The following NOA1 variants were observed in gnomAD, a reference collection of about 807,000 sequenced individuals.
The protein encoded by NOA1 is nitric oxide associated 1, also known as nitric oxide-associated protein 1.
In NOA1, 35 loss-of-function variants were observed where a neutral mutation model predicts 58.4. The ratio of observed to expected loss-of-function variants is 0.60; its 90% CI spans 0.46 to 0.79. The LOEUF (loss-of-function observed/expected upper bound fraction) is 0.79, where lower values mean the gene tolerates loss of function less well. NOA1 is among the 30% of genes least tolerant of loss of function. NOA1 has a pLI of 0.00. For synonymous variants in NOA1, 397 were observed against 373.4 expected (o/e 1.06, Z -0.73); for missense variants, 895 against 894.6 (o/e 1.00, Z -0.01).
intron 3 of NOA1, 45 bp from the exon 4 acceptor site, chr4:56,968,560 AATATG>A (rs769207871): frequency 7.1e-5 from 100 of 1,417,992 alleles, no homozygotes; most frequent in East Asian, 2.1e-4. Flanking sequence ...TTTTATTGAA[AATATG>A]ATATATTATG....
At chr4:56,966,458 AT>A (rs1282841145) in intron 5 of NOA1, among the ~76,000 whole-genome samples, 161 bp downstream of exon 5, 4 of 152,232 alleles carry the variant, frequency 2.6e-5, no homozygotes. Flanking sequence ...ATATAGAGCA[AT>A]TTTGCTTTAT....
chr4:56,973,068 T>C (rs1721834457), intron 3 of NOA1, 80 bp downstream of exon 3: 1 of 1,230,080 alleles, frequency 8.1e-7, no homozygotes, highest in Non-Finnish European at 1.2e-6. Flanking sequence ...ATAAATTGGC[T>C]GTATCTGGGC....
rs1305208100 is a variant in NOA1 at position 56,966,567 on chromosome 4, A to C, written c.1764+53T>G. The stretch of plus-strand genomic sequence containing the variant: ...AAGGCTTTCTTAACAGAGCTATGGG[A>C]CCATCCCAGTGTATACTAACCATAA... On this transcript the variant is annotated intron_variant, in intron 5 of 6. Transcript: ENST00000264230. 10 of 1,047,144 alleles carry C rather than the reference A, an allele frequency of 9.5e-6. No homozygotes were observed. In the East Asian group the frequency reaches 2.4e-4, roughly 25 times the overall value. 64.9% of individuals were successfully genotyped at this position (1,047,144 alleles called of 1,614,324 possible).
rs779176685 is a variant in NOA1 at position 56,964,404 on chromosome 4, A to G, written c.1885+2T>C. On this transcript the variant is annotated splice_donor_variant, in intron 6 of 6. Coordinates refer to ENST00000264230, the MANE Select transcript of NOA1 (RefSeq NM_032313.4). LOFTEE classifies it high-confidence loss of function. ...TTTAAAAAGTGCTTGGCATAAAATT[A>G]CCTGCAGAGGAAAACTTGATGTCGG... 3 of 1,614,030 alleles carry G rather than the reference A, an allele frequency of 1.9e-6. No individual in the cohort carries two copies. Among genetic ancestry groups the G allele is most frequent in the Non-Finnish European group, 1.7e-6 (2 of 1,179,996 alleles).
chr4:56,971,480 T>C (rs1195911550), intron 3 of NOA1, among the ~76,000 whole-genome samples: 1 of 152,152 alleles, frequency 6.6e-6, no homozygotes, highest in Admixed American at 6.6e-5. Context: ...TTAAAAGGTG[T>C]GTATGATTCA....
In NOA1 at chr4:56,973,907, C is replaced by T; in HGVS notation, c.1260G>A (p.Glu420=). ...GGACATTAAGCTGATTTTGTTCTTG[C>T]TCACTAAGATCTTCTTCAGCTTGAG... ...DSTQAEEDLS[E]QEQNQLNVLK... The change falls in exon 2 of 7, where the codon GAG becomes GAA. Residue 420 remains glutamate, a synonymous_variant. Transcript: ENST00000264230. The T allele has an allele frequency of 6.2e-7, 1 of 1,614,124 alleles. No individual in the cohort carries two copies. Among genetic ancestry groups the T allele is most frequent in the Non-Finnish European group, 8.5e-7 (1 of 1,180,006 alleles).
chr4:56,973,893 T>A lies in NOA1; in HGVS notation c.1274A>T (p.Gln425Leu). 1 of 1,614,214 alleles carries A rather than the reference T, an allele frequency of 6.2e-7. No individual in the cohort carries two copies. The highest frequency in any genetic ancestry group is 8.5e-7 in the Non-Finnish European group (1 of 1,180,048). Residue 425 changes from glutamine to leucine, a missense_variant, in exon 2 of 7, where the codon CAG (glutamine) becomes CTG (leucine). Coordinates refer to ENST00000264230, the MANE Select transcript of NOA1 (RefSeq NM_032313.4). ...ACCATGCTTTTTGAGGACATTAAGC[T>A]GATTTTGTTCTTGCTCACTAAGATC... ...EEDLSEQEQNQLNVLKKHGYV... is the reference protein window; with the variant it reads ...EEDLSEQEQNLLNVLKKHGYV...
intron 3 of NOA1, among the ~76,000 whole-genome samples, chr4:56,972,726 C>G (rs1721829830): frequency 6.6e-6 from 1 of 152,156 alleles, no homozygotes; most frequent in African/African-American, 2.4e-5. Context: ...TTTCCAACCT[C>G]AAAACCTAGG....
chr4:56,966,199 G>T (rs1201148903), intron 5 of NOA1, among the ~76,000 whole-genome samples: 5 of 151,842 alleles, frequency 3.3e-5, no homozygotes, highest in Non-Finnish European at 7.4e-5. Flanking sequence ...GCTAATTTTT[G>T]TATTTTTAGT....
rs776329772 is a variant in NOA1, at chr4:56,977,300, G to C, written c.286C>G (p.Gln96Glu). ...TGTCGCTCCTCCTCCTCCTGCTGTT[G>C]CTGGAGCTCCTGCAGCTGCTTTTCG... ...TREKQLQELQ[Q>E]QQEEEERQRQ... The change falls in exon 1 of 7, where the codon CAA (glutamine) becomes GAA (glutamate). Residue 96 changes from glutamine (Q) to glutamate (E), a missense_variant. Physicochemically the swap from Gln to Glu is conservative, Grantham distance 29. Around this residue, in one of 3 missense-constraint regions of NOA1, gnomAD observed 680 missense variants for 656.5 expected, o/e 1.04. Coordinates refer to ENST00000264230, the MANE Select transcript of NOA1 (RefSeq NM_032313.4). The C allele has an allele frequency of 1.9e-6, 3 of 1,614,062 alleles. No individual in the cohort carries two copies. The highest frequency in any genetic ancestry group is 2.5e-6 in the Non-Finnish European group (3 of 1,180,018).
At position 56,977,591 on chromosome 4, in the gene NOA1, A is replaced by G. The variant is rs766979293; in HGVS notation, c.-6T>C. 7 of 1,565,434 alleles carry G rather than the reference A, an allele frequency of 4.5e-6. No homozygotes were observed. In the Admixed American group the frequency reaches 1.1e-4, roughly 26 times the overall value. On this transcript the variant is annotated 5_prime_UTR_variant, in exon 1 of 7. Coordinates refer to ENST00000264230, the MANE Select transcript of NOA1 (RefSeq NM_032313.4). ...GGTAGGCGAGCGGGCAGCATGAGGA[A>G]GTAGCTCCAAAGGGGCGGAGCCACC...
intron 6 of NOA1, among the ~76,000 whole-genome samples, 153 bp from the exon 7 acceptor site, chr4:56,963,814 T>C (rs955857591): frequency 6.6e-6 from 1 of 152,172 alleles, no homozygotes; most frequent in African/African-American, 2.4e-5. Context: ...CGTCTTGCTA[T>C]GTTACCCAGG....
At chr4:56,974,969 C>G (rs770710124) in intron 1 of NOA1, among the ~76,000 whole-genome samples, 9 of 152,006 alleles carry the variant, frequency 5.9e-5, no homozygotes, top group Non-Finnish European at 1.2e-4. Flanking sequence ...TCCCAAAGTG[C>G]TCGGATTACA....
chr4:56,973,789 T>C, intron 2 of NOA1, 69 bp downstream of exon 2: 1 of 1,491,580 alleles, frequency 6.7e-7, no homozygotes, highest in South Asian at 1.2e-5. Context: ...CGGACAGCTG[T>C]ATTTCAGGTT....
intron 1 of NOA1, 49 bp downstream of exon 1, chr4:56,976,393 G>A: frequency 6.5e-7 from 1 of 1,538,860 alleles, no homozygotes; most frequent in Non-Finnish European, 8.9e-7. Context: ...GCCAGGACCA[G>A]ACGTCCACCT....
At chr4:56,973,833 G>A (rs767323229) in intron 2 of NOA1, 25 bp downstream of exon 2, 8 of 1,610,512 alleles carry the variant, frequency 5.0e-6, no homozygotes, top group Non-Finnish European at 6.8e-6. Flanking sequence ...GTACCAACGA[G>A]GGTTTTCCCA....
rs758999937 is a variant in NOA1, at chr4:56,973,149, C to A, written c.1514G>T (p.Cys505Phe). The A allele has an allele frequency of 6.2e-7, 1 of 1,613,210 alleles. No homozygotes were observed. Among genetic ancestry groups the A allele is most frequent in the Admixed American group, 1.7e-5 (1 of 60,002 alleles). Residue 505 changes from cysteine (C) to phenylalanine (F), a missense_variant and splice_region_variant, in exon 3 of 7, where the codon TGT becomes TTT. Cys to Phe is a radical substitution (Grantham distance 205). Transcript: ENST00000264230. The stretch of plus-strand genomic sequence containing the variant: ...TTCTAAAAGAAACCAAATACATACA[C>A]AATTTTCTTTTGTAATTCCAGGGGT... Reference protein sequence around the residue: ...YDTPGITKENCILNLLTEKEV... With the variant: ...YDTPGITKENFILNLLTEKEV...
intron 2 of NOA1, among the ~76,000 whole-genome samples, chr4:56,973,581 G>T (rs1456824372): frequency 1.3e-5 from 2 of 151,888 alleles, no homozygotes; most frequent in African/African-American, 4.8e-5. Context: ...AAGGGTGTGT[G>T]GAAATCAGAC....
intron 4 of NOA1, 105 bp from the exon 5 acceptor site, chr4:56,966,841 A>C: frequency 1.1e-5 from 8 of 720,640 alleles, no homozygotes; most frequent in Middle Eastern, 3.0e-4. Context: ...CAAAAACCCA[A>C]TCAGACTCCC....
Sources: gnomAD v4.1 joint callset for allele counts (sites outside exome capture counted in the v4.1 genomes callset) on GRCh38, gnomAD v4.1.1 for gene constraint, gnomAD v4.1.1 regional missense constraint, MANE v1.5 for transcripts, NCBI Gene and HGNC (gene_info 2026-07-23, HGNC 2026-07-21) for gene names.